Variants in FAM13A observed in about 807,000 individuals in gnomAD.
The protein encoded by FAM13A is family with sequence similarity 13 member A.
A neutral mutation model predicts 129.6 loss-of-function variants in FAM13A; 76 were observed. The observed-to-expected ratio is 0.59, with a 90% CI of 0.49 to 0.71. The LOEUF is 0.71. Among genes scored for constraint, FAM13A ranks in the 30% least tolerant of loss-of-function variants. The pLI is 0.00. For synonymous variants in FAM13A, 443 were observed against 449.9 expected, an observed-to-expected ratio of 0.98 and a Z score of 0.20; for missense variants, 1,108 against 1,249.3, an observed-to-expected ratio of 0.89 and a Z score of 1.70.
At chr4:88,929,885 G>A (rs1752773873) in intron 5 of FAM13A, among the ~76,000 whole-genome samples, 1 of 152,020 alleles carries the variant, frequency 6.6e-6, no homozygotes, top group Non-Finnish European at 1.5e-5. Context: ...CTACAGGTGT[G>A]TACCACCATG....
At chr4:88,783,136 AT>A (rs1179209574) in intron 10 of FAM13A, among the ~76,000 whole-genome samples, 1 of 152,054 alleles carries the variant, frequency 6.6e-6, no homozygotes, top group African/African-American at 2.4e-5. Flanking sequence ...AAACAATCCA[AT>A]TACACTCTTT....
intron 2 of FAM13A, among the ~76,000 whole-genome samples, chr4:89,023,166 C>T (rs1471177473): frequency 6.6e-6 from 1 of 152,184 alleles, no homozygotes; most frequent in African/African-American, 2.4e-5. Context: ...ATATCAGGTT[C>T]TATTGGGAGA....
chr4:88,924,241 G>A (rs1258858751), intron 5 of FAM13A, among the ~76,000 whole-genome samples: 4 of 152,058 alleles, frequency 2.6e-5, no homozygotes, highest in African/African-American at 7.2e-5. Context: ...AGCCCGCATC[G>A]CCAAGTCAAT....
chr4:88,792,396 G>T (rs1304668490), intron 8 of FAM13A, among the ~76,000 whole-genome samples: 1 of 152,024 alleles, frequency 6.6e-6, no homozygotes, highest in African/African-American at 2.4e-5. Flanking sequence ...GGATATGGAG[G>T]CCTGGCCTTA....
chr4:88,849,794 C>T (rs918272304), intron 7 of FAM13A, among the ~76,000 whole-genome samples: 1 of 152,126 alleles, frequency 6.6e-6, no homozygotes, highest in South Asian at 2.1e-4. Flanking sequence ...ATTTGTTCAA[C>T]GAATGAAAGA....
chr4:88,739,309 AG>A (rs1739686195), intron 19 of FAM13A, among the ~76,000 whole-genome samples, 184 bp from the exon 20 acceptor site: 1 of 152,120 alleles, frequency 6.6e-6, no homozygotes, highest in Non-Finnish European at 1.5e-5. Flanking sequence ...CAGATTACCT[AG>A]TTCAGCTGCA....
chr4:88,809,697 C>G (rs908595699), intron 7 of FAM13A, among the ~76,000 whole-genome samples: 1 of 152,052 alleles, frequency 6.6e-6, no homozygotes, highest in Non-Finnish European at 1.5e-5. Context: ...TCCTTGTTCT[C>G]AAAACATAAA....
chr4:88,908,174 C>T (rs186579840), intron 5 of FAM13A, among the ~76,000 whole-genome samples: 1 of 152,326 alleles, frequency 6.6e-6, no homozygotes, highest in East Asian at 1.9e-4. Context: ...TACCCTTTCC[C>T]ACTAGTTACA....
chr4:88,873,906 C>A (rs1741895968), intron 6 of FAM13A, among the ~76,000 whole-genome samples: 1 of 152,098 alleles, frequency 6.6e-6, no homozygotes, highest in African/African-American at 2.4e-5. Context: ...TACTGGCAAA[C>A]CGAATCCAGC....
intron 3 of FAM13A, among the ~76,000 whole-genome samples, chr4:88,997,860 C>T (rs943255385): frequency 9.9e-5 from 15 of 152,192 alleles, no homozygotes; most frequent in Admixed American, 7.9e-4. Context: ...CTTCCCCCCT[C>T]CCTCTGCCTC....
chr4:88,814,344 A>G (rs1420476931), intron 7 of FAM13A, among the ~76,000 whole-genome samples: 1 of 152,070 alleles, frequency 6.6e-6, no homozygotes, highest in Non-Finnish European at 1.5e-5. Context: ...TCACGTAGGC[A>G]TTTTTTTGGG....
At position 88,746,915 on chromosome 4, in the gene FAM13A, T is replaced by C; in HGVS notation, c.2466+17A>G. On this transcript the variant is annotated intron_variant, in intron 19 of 23. Transcript: ENST00000264344. ...CAGATAATTGACCCCAATCAGAAAATTTACTACATCACATACCGGCCGTCC... is the reference window on the plus strand; with the variant it reads ...CAGATAATTGACCCCAATCAGAAAACTTACTACATCACATACCGGCCGTCC... The C allele has an allele frequency of 1.3e-6, 2 of 1,572,276 alleles. No homozygotes were observed. Among genetic ancestry groups the C allele is most frequent in the Non-Finnish European group, 1.8e-6 (2 of 1,142,778 alleles).
chr4:88,978,812 T>A (rs1460944410), intron 4 of FAM13A, among the ~76,000 whole-genome samples: 2 of 151,494 alleles, frequency 1.3e-5, no homozygotes, highest in Non-Finnish European at 2.9e-5. Flanking sequence ...AAAGATAACA[T>A]CAAACCCAAG....
At position 88,728,493 on chromosome 4, in the gene FAM13A, C is replaced by G. The variant is rs182426402; in HGVS notation, c.*40G>C. The G allele has an allele frequency of 6.2e-7, 1 of 1,612,770 alleles. No individual in the cohort carries two copies. The highest frequency in any genetic ancestry group is 8.5e-7 in the Non-Finnish European group (1 of 1,179,670). ...GCACTTTCTCTGGGGACAGTAAACT[C>G]TCACCGCAGCTGCCAGCCCCCTGTG... On this transcript the variant is annotated 3_prime_UTR_variant, in exon 24 of 24. Transcript: ENST00000264344.
intron 1 of FAM13A, among the ~76,000 whole-genome samples, chr4:89,051,106 G>C (rs1236253257): frequency 1.3e-5 from 2 of 152,200 alleles, no homozygotes; most frequent in African/African-American, 4.8e-5. Context: ...TTAACAGACT[G>C]TCTTAATCTG....
At chr4:88,839,137 C>CT (rs1340729257) in intron 7 of FAM13A, among the ~76,000 whole-genome samples, 1 of 152,056 alleles carries the variant, frequency 6.6e-6, no homozygotes, top group Non-Finnish European at 1.5e-5. Flanking sequence ...TGTGAAACCT[C>CT]TTTTTTTAAC....
intron 2 of FAM13A, 70 bp downstream of exon 2, chr4:89,029,390 A>G (rs773706277): frequency 7.6e-5 from 91 of 1,196,018 alleles, no homozygotes; most frequent in Non-Finnish European, 1.0e-4. Flanking sequence ...ATTATGAAAT[A>G]ATTCACACAA....
intron 6 of FAM13A, among the ~76,000 whole-genome samples, chr4:88,876,954 A>G (rs1019499895): frequency 6.6e-6 from 1 of 152,214 alleles, no homozygotes; most frequent in African/African-American, 2.4e-5. Context: ...TCACATAGCT[A>G]CTTAAGTGAG....
At chr4:88,869,434 T>C (rs1030497816) in intron 6 of FAM13A, among the ~76,000 whole-genome samples, 23 of 152,174 alleles carry the variant, frequency 1.5e-4, no homozygotes, top group Non-Finnish European at 7.4e-5. Context: ...CTCCCTTCAG[T>C]TATCCAGCCC....
Sources: allele counts gnomAD v4.1 joint callset (sites outside exome capture counted in the v4.1 genomes callset), GRCh38; gene constraint gnomAD v4.1.1; transcripts MANE v1.5; gene names NCBI Gene and HGNC (gene_info 2026-07-23, HGNC 2026-07-21).